Variants in GALNT13 observed in about 807,000 individuals in gnomAD.
GALNT13 encodes UDP-GalNAc:polypeptide N-acetylgalactosaminyltransferase 13.
Under a neutral mutation model 64.2 loss-of-function variants are expected in GALNT13, and 28 were observed. That is an observed-to-expected ratio of 0.44 (90% CI 0.32 to 0.60). The LOEUF (loss-of-function observed/expected upper bound fraction) is 0.60. Among genes scored for constraint, GALNT13 ranks in the 20% least tolerant of loss-of-function variants. The probability of loss-of-function intolerance (pLI) is 0.05; values close to 1 mark genes in which losing one functional copy is unlikely to be tolerated. For missense variants in GALNT13, 577 were observed against 669.8 expected (o/e 0.86, Z 1.53); for synonymous variants, 214 against 224.6 (o/e 0.95, Z 0.42).
chr2:153,624,283 T>C, the GALNT13 span, among the ~76,000 whole-genome samples: 12 of 152,104 alleles, frequency 7.9e-5, no homozygotes, highest in African/African-American at 2.4e-4. Context: ...CTGTGTGACA[T>C]TTGTCTTAAA....
the GALNT13 span, among the ~76,000 whole-genome samples, chr2:153,637,580 T>C: frequency 6.6e-6 from 1 of 152,136 alleles, no homozygotes; most frequent in African/African-American, 2.4e-5. Flanking sequence ...GAGAGAAATA[T>C]AACAGCAAGT....
At chr2:153,326,581 C>T in the GALNT13 span, among the ~76,000 whole-genome samples, 491 of 152,192 alleles carry the variant, frequency 3.2e-3, 20 homozygotes, top group East Asian at 0.083. Flanking sequence ...TTCATAGTGT[C>T]GATGGTCTTT....
chr2:153,149,506 C>A, the GALNT13 span, among the ~76,000 whole-genome samples: 1 of 151,762 alleles, frequency 6.6e-6, no homozygotes, highest in Non-Finnish European at 1.5e-5. Flanking sequence ...TGTCCTGGTT[C>A]TTACTTCTCC....
At chr2:153,237,185 A>G in the GALNT13 span, among the ~76,000 whole-genome samples, 2 of 152,046 alleles carry the variant, frequency 1.3e-5, no homozygotes, top group South Asian at 2.1e-4. Context: ...AGCAAATAAA[A>G]TACGTTTTTC....
At chr2:153,240,166 G>C in the GALNT13 span, among the ~76,000 whole-genome samples, 51,392 of 151,888 alleles carry the variant, frequency 0.34, 8,847 homozygotes, top group Middle Eastern at 0.49. Flanking sequence ...GAGTTGTAAT[G>C]TTTCCTCTTT....
intron 9 of GALNT13, among the ~76,000 whole-genome samples, chr2:154,302,806 A>C: frequency 6.6e-6 from 1 of 152,214 alleles, no homozygotes; most frequent in Admixed American, 6.5e-5. Context: ...CAAGGTTCTT[A>C]TTATACAGAT....
intron 3 of GALNT13, among the ~76,000 whole-genome samples, chr2:154,017,495 A>T (rs530713966): frequency 1.7e-4 from 26 of 152,180 alleles, no homozygotes; most frequent in Non-Finnish European, 2.8e-4. Flanking sequence ...CCACTTTAGT[A>T]CTTACTTAAA....
At chr2:153,332,481 G>A in the GALNT13 span, among the ~76,000 whole-genome samples, 2 of 149,544 alleles carry the variant, frequency 1.3e-5, no homozygotes, top group Non-Finnish European at 3.0e-5. Flanking sequence ...TTGTTTATGG[G>A]GTTATTCTTG....
At chr2:153,627,734 A>T in the GALNT13 span, among the ~76,000 whole-genome samples, 1 of 152,146 alleles carries the variant, frequency 6.6e-6, no homozygotes, top group Non-Finnish European at 1.5e-5. Context: ...AACTGTAAAC[A>T]TGCCTTAAAC....
the GALNT13 span, among the ~76,000 whole-genome samples, chr2:153,558,146 G>T: frequency 1.3e-5 from 2 of 152,176 alleles, no homozygotes; most frequent in Non-Finnish European, 2.9e-5. Context: ...TTTGCTCAGA[G>T]ATTACATGCA....
chr2:153,795,216 A>G, the GALNT13 span, among the ~76,000 whole-genome samples: 3 of 152,224 alleles, frequency 2.0e-5, no homozygotes, highest in Non-Finnish European at 4.4e-5. Context: ...AATTTTATAG[A>G]CAAAATAATG....
chr2:153,493,454 G>A, the GALNT13 span, among the ~76,000 whole-genome samples: 877 of 151,962 alleles, frequency 5.8e-3, 9 homozygotes, highest in African/African-American at 0.021. Context: ...AACACAATAC[G>A]AAAATAAAAA....
At chr2:153,211,184 C>T in the GALNT13 span, among the ~76,000 whole-genome samples, 6 of 151,868 alleles carry the variant, frequency 4.0e-5, no homozygotes, top group East Asian at 1.2e-3. Context: ...TGTCACCCAC[C>T]CAGGCTGGAG....
chr2:153,680,769 T>C, the GALNT13 span, among the ~76,000 whole-genome samples: 1 of 151,938 alleles, frequency 6.6e-6, no homozygotes, highest in Admixed American at 6.6e-5. Context: ...TCCCTTTCTC[T>C]TACTCAAGAC....
the GALNT13 span, among the ~76,000 whole-genome samples, chr2:153,098,141 T>C: frequency 6.6e-6 from 1 of 152,206 alleles, no homozygotes; most frequent in Non-Finnish European, 1.5e-5. Flanking sequence ...CAGTCTTTAG[T>C]TCTTCAGATA....
the GALNT13 span, among the ~76,000 whole-genome samples, chr2:153,180,937 T>C: frequency 6.6e-6 from 1 of 151,616 alleles, no homozygotes. Context: ...GGTTTATTAA[T>C]TTTGTTTATC....
the GALNT13 span, among the ~76,000 whole-genome samples, chr2:153,487,849 G>T: frequency 6.6e-6 from 1 of 152,188 alleles, no homozygotes; most frequent in Non-Finnish European, 1.5e-5. Flanking sequence ...AAATCATGAG[G>T]GCTTTGTTTT....
At chr2:153,487,850 G>C in the GALNT13 span, among the ~76,000 whole-genome samples, 2 of 152,196 alleles carry the variant, frequency 1.3e-5, no homozygotes, top group African/African-American at 2.4e-5. Context: ...AATCATGAGG[G>C]CTTTGTTTTT....
chr2:153,907,268 G>A (rs1337617521), intron 2 of GALNT13, among the ~76,000 whole-genome samples: 1 of 151,126 alleles, frequency 6.6e-6, no homozygotes, highest in East Asian at 1.9e-4. Context: ...TATGTATTTT[G>A]GTTAATTTGT....
Sources: gnomAD v4.1 joint callset for allele counts (sites outside exome capture counted in the v4.1 genomes callset) on GRCh38, gnomAD v4.1.1 for gene constraint, MANE v1.5 for transcripts, NCBI Gene and HGNC (gene_info 2026-07-23, HGNC 2026-07-21) for gene names.